The following ASCC3 variants were observed in gnomAD, a reference collection of about 807,000 sequenced individuals.
ASCC3 encodes the protein ASC-1 complex subunit P200.
In ASCC3, 158 loss-of-function variants were observed where a neutral mutation model predicts 256.3. The ratio of observed to expected loss-of-function variants is 0.62; its 90% CI spans 0.54 to 0.70. The LOEUF (loss-of-function observed/expected upper bound fraction) is 0.70. ASCC3 is among the 30% of genes least tolerant of loss of function. ASCC3 has a pLI of 0.00. For synonymous variants in ASCC3, 948 were observed against 883.4 expected (o/e 1.07, Z -1.30); for missense variants, 2,259 against 2,626.0 (o/e 0.86, Z 3.05).
chr6:100,669,076 T>C (rs1041841290), intron 14 of ASCC3, among the ~76,000 whole-genome samples: 2 of 151,280 alleles, frequency 1.3e-5, no homozygotes, highest in Non-Finnish European at 3.0e-5. Context: ...GAGTACTGAC[T>C]AAAATATACT....
At chr6:100,515,202 T>A (rs546444139) in intron 39 of ASCC3, among the ~76,000 whole-genome samples, 4 of 152,218 alleles carry the variant, frequency 2.6e-5, no homozygotes, top group Non-Finnish European at 4.4e-5. Context: ...GAAGCTTTGT[T>A]TTGATTTAAA....
intron 25 of ASCC3, among the ~76,000 whole-genome samples, chr6:100,637,024 A>G (rs928045758): frequency 6.6e-6 from 1 of 152,228 alleles, no homozygotes; most frequent in South Asian, 2.1e-4. Flanking sequence ...AGGTGGCTAC[A>G]ATAAACAACA....
At chr6:100,821,056 GT>G (rs1771015314) in intron 4 of ASCC3, among the ~76,000 whole-genome samples, 1 of 152,156 alleles carries the variant, frequency 6.6e-6, no homozygotes, top group Admixed American at 6.6e-5. Flanking sequence ...TTAAGTTGGG[GT>G]TTTGATCTGT....
chr6:100,590,097 A>G, intron 34 of ASCC3, 38 bp from the exon 35 acceptor site: 1 of 1,398,940 alleles, frequency 7.1e-7, no homozygotes, highest in Non-Finnish European at 1.0e-6. Context: ...TTGTTTCAAG[A>G]CATTTTCTAC....
At chr6:100,766,904 A>G (rs771573467) in intron 9 of ASCC3, among the ~76,000 whole-genome samples, 199 bp from the exon 10 acceptor site, 1 of 152,228 alleles carries the variant, frequency 6.6e-6, no homozygotes, top group South Asian at 2.1e-4. Flanking sequence ...GAATTTGTTT[A>G]CACAGCTACA....
chr6:100,531,996 T>C (rs1163910513), intron 37 of ASCC3, among the ~76,000 whole-genome samples: 3 of 151,980 alleles, frequency 2.0e-5, no homozygotes, highest in African/African-American at 7.2e-5. Flanking sequence ...TTTTACTTTT[T>C]TTTTTGTCAT....
At chr6:100,665,668 AG>A (rs1776433648) in intron 14 of ASCC3, among the ~76,000 whole-genome samples, 1 of 151,402 alleles carries the variant, frequency 6.6e-6, no homozygotes, top group South Asian at 2.1e-4. Context: ...TGAACCCAGG[AG>A]GTGGAGGCTG....
intron 14 of ASCC3, among the ~76,000 whole-genome samples, chr6:100,667,038 G>C (rs1776511119): frequency 6.6e-6 from 1 of 152,212 alleles, no homozygotes; most frequent in Non-Finnish European, 1.5e-5. Flanking sequence ...GTTTATGATA[G>C]AGGTACAGGG....
At chr6:100,536,602 A>G (rs1328725527) in intron 37 of ASCC3, among the ~76,000 whole-genome samples, 4 of 151,590 alleles carry the variant, frequency 2.6e-5, no homozygotes, top group Non-Finnish European at 5.9e-5. Flanking sequence ...TCACCTTGGC[A>G]CCCCCTACCA....
At chr6:100,836,099 G>T (rs1295388190) in intron 4 of ASCC3, among the ~76,000 whole-genome samples, 2 of 151,998 alleles carry the variant, frequency 1.3e-5, no homozygotes, top group East Asian at 1.9e-4. Flanking sequence ...TTTGTATGTT[G>T]ATTTTATATC....
intron 40 of ASCC3, 119 bp from the exon 41 acceptor site, chr6:100,510,226 C>T (rs1773696198): frequency 9.4e-7 from 1 of 1,061,138 alleles, no homozygotes; most frequent in Non-Finnish European, 1.4e-6. Flanking sequence ...TTCAGCATAT[C>T]TATCTGAGAT....
intron 36 of ASCC3, among the ~76,000 whole-genome samples, chr6:100,542,320 A>T: frequency 6.6e-6 from 1 of 152,230 alleles, no homozygotes; most frequent in Admixed American, 6.5e-5. Context: ...AAGATAAGAA[A>T]CCAGGTTTCT....
chr6:100,872,594 C>A (rs1773800145), intron 1 of ASCC3, among the ~76,000 whole-genome samples: 1 of 152,044 alleles, frequency 6.6e-6, no homozygotes, highest in Non-Finnish European at 1.5e-5. Flanking sequence ...ATCAGGAAAG[C>A]CAAGAGAACC....
chr6:100,585,190 C>T (rs1771579337), intron 36 of ASCC3, among the ~76,000 whole-genome samples: 1 of 152,196 alleles, frequency 6.6e-6, no homozygotes, highest in African/African-American at 2.4e-5. Flanking sequence ...AAATTGGTTC[C>T]ATTCTCCCCG....
At chr6:100,794,191 A>G (rs1176933283) in intron 8 of ASCC3, among the ~76,000 whole-genome samples, 2 of 152,032 alleles carry the variant, frequency 1.3e-5, no homozygotes, top group African/African-American at 4.8e-5. Context: ...AAGTGAAAAC[A>G]CCTGATCATT....
At chr6:100,632,296 T>C (rs1316032850) in intron 25 of ASCC3, among the ~76,000 whole-genome samples, 1 of 148,554 alleles carries the variant, frequency 6.7e-6, no homozygotes, top group Non-Finnish European at 1.5e-5. Context: ...ATGAAAACTA[T>C]AAAACATTGA....
intron 4 of ASCC3, among the ~76,000 whole-genome samples, chr6:100,808,715 T>C (rs1196200209): frequency 6.6e-6 from 1 of 151,948 alleles, no homozygotes; most frequent in Non-Finnish European, 1.5e-5. Context: ...TGAATAAATA[T>C]ATGTAATCAT....
intron 13 of ASCC3, 63 bp from the exon 14 acceptor site, chr6:100,679,815 C>A: frequency 6.5e-7 from 1 of 1,532,604 alleles, no homozygotes; most frequent in South Asian, 1.1e-5. Context: ...TTAATAGTAG[C>A]CTGGATATCA....
Position 100,652,840 on chromosome 6 carries a change from C to T in ASCC3, c.2873G>A (p.Gly958Glu). 6.2e-7 allele frequency: 1 copy of T among 1,613,870 alleles called. No homozygotes were observed. Among genetic ancestry groups the T allele is most frequent in the Non-Finnish European group, 8.5e-7 (1 of 1,179,918 alleles). Residue 958 changes from glycine (G) to glutamate (E), a missense_variant, in exon 18 of 42, where the codon GGA becomes GAA. Transcript: ENST00000369162. ...KHREQLVIEV[G>E]RKLDKAQMIR... Reference sequence around the variant, plus strand: ...CATCTGAGCTTTGTCTAGTTTTCGTCCAACTTCAATGACCAACTGTTCTCG... The same window carrying T: ...CATCTGAGCTTTGTCTAGTTTTCGTTCAACTTCAATGACCAACTGTTCTCG...
Sources: allele counts gnomAD v4.1 joint callset (sites outside exome capture counted in the v4.1 genomes callset), GRCh38; gene constraint gnomAD v4.1.1; transcripts MANE v1.5; gene names NCBI Gene and HGNC (gene_info 2026-07-23, HGNC 2026-07-21).